Variants in SLC16A12 observed in about 807,000 individuals in gnomAD.
The protein encoded by SLC16A12 is monocarboxylate transporter 12.
Under a neutral mutation model 42.4 loss-of-function variants are expected in SLC16A12, and 17 were observed. That is an observed-to-expected ratio of 0.40 (90% CI 0.27 to 0.60). SLC16A12 has a LOEUF of 0.60. Ranked by LOEUF, SLC16A12 falls within the 20% of genes least tolerant of loss-of-function variation. SLC16A12 has a pLI of 0.42. For missense variants in SLC16A12, 544 were observed against 623.0 expected, an observed-to-expected ratio of 0.87 and a Z score of 1.35; for synonymous variants, 224 against 229.4, an observed-to-expected ratio of 0.98 and a Z score of 0.21.
At chr10:89,509,469 A>G (rs1412693237) in intron 2 of SLC16A12, among the ~76,000 whole-genome samples, 1 of 152,238 alleles carries the variant, frequency 6.6e-6, no homozygotes. Context: ...AATCCATCAC[A>G]TAAACAGAAC....
intron 2 of SLC16A12, among the ~76,000 whole-genome samples, chr10:89,527,545 C>G (rs1843474200): frequency 6.6e-6 from 1 of 151,562 alleles, no homozygotes; most frequent in Admixed American, 6.6e-5. Context: ...TCTATAATCT[C>G]AGCACTTTGG....
chr10:89,555,709 A>G (rs1460717586), intron 2 of SLC16A12, among the ~76,000 whole-genome samples: 1 of 146,624 alleles, frequency 6.8e-6, no homozygotes, highest in Non-Finnish European at 1.5e-5. Context: ...ATATATATAT[A>G]TATATATATA....
At chr10:89,532,708 C>T (rs1799400570) in intron 2 of SLC16A12, among the ~76,000 whole-genome samples, 1 of 152,098 alleles carries the variant, frequency 6.6e-6, no homozygotes, top group African/African-American at 2.4e-5. Flanking sequence ...TTTCGATAAG[C>T]CTTTGTTAAA....
chr10:89,530,575 G>A (rs530418541), intron 2 of SLC16A12, among the ~76,000 whole-genome samples: 30 of 151,918 alleles, frequency 2.0e-4, no homozygotes, highest in African/African-American at 5.8e-4. Context: ...CTACCACCAC[G>A]CCCGGCTAAT....
intron 4 of SLC16A12, among the ~76,000 whole-genome samples, chr10:89,441,817 CT>C (rs1457790227): frequency 6.6e-6 from 1 of 152,206 alleles, no homozygotes; most frequent in Non-Finnish European, 1.5e-5. Flanking sequence ...TGGTGACATT[CT>C]GGTTGGTCTC....
At chr10:89,505,780 G>T (rs1843051081) in intron 2 of SLC16A12, among the ~76,000 whole-genome samples, 1 of 152,198 alleles carries the variant, frequency 6.6e-6, no homozygotes, top group Non-Finnish European at 1.5e-5. Context: ...TCCCTCTGGT[G>T]CCTGGCTCAG....
chr10:89,448,972 CA>C (rs1842047409), intron 3 of SLC16A12, among the ~76,000 whole-genome samples: 1 of 152,122 alleles, frequency 6.6e-6, no homozygotes, highest in African/African-American at 2.4e-5. Context: ...AACAGACAAA[CA>C]GAGAGCCAAA....
intron 2 of SLC16A12, chr10:89,467,973 T>G (rs930344093): frequency 1.3e-5 from 2 of 152,232 alleles, no homozygotes; most frequent in African/African-American, 4.8e-5. Flanking sequence ...TAAGCATGAT[T>G]AATTTTTACT....
upstream of SLC16A12, among the ~76,000 whole-genome samples, chr10:89,539,948 CTCTT>C (rs1248786109): frequency 4.7e-5 from 6 of 128,542 alleles, no homozygotes; most frequent in Non-Finnish European, 8.4e-5. Flanking sequence ...TTCCTTCTTT[CTCTT>C]TCTTTCTTCT....
Position 89,430,732 on chromosome 10 carries a change from C to A in SLC16A12, c.*2332G>T, listed in dbSNP as rs1372631272. The A allele has an allele frequency of 3.2e-5, 15 of 462,182 alleles. No individual in the cohort carries two copies. The East Asian group carries it at 9.8e-4, about 30-fold the overall frequency. The allele number at this position is 462,182 out of a possible 1,614,324, so 28.6% of individuals were successfully genotyped here. A position where few individuals can be genotyped will look rare whatever the true frequency, so the allele number is the denominator to read the frequency against. On this transcript the variant is annotated 3_prime_UTR_variant, in exon 8 of 8. Coordinates refer to ENST00000371790, the MANE Select transcript of SLC16A12 (RefSeq NM_213606.4). ...TATGCATGTATAAAGTCAAATCTCC[C>A]AAATGTTTTTATACAAAATCTTTAA...
chr10:89,526,187 A>C (rs1279119025), intron 2 of SLC16A12, among the ~76,000 whole-genome samples: 1 of 151,932 alleles, frequency 6.6e-6, no homozygotes, highest in Non-Finnish European at 1.5e-5. Flanking sequence ...AGTTATGTAC[A>C]ACTGTACATG....
Position 89,443,745 on chromosome 10 carries a change from G to A in SLC16A12, c.304+11C>T, listed in dbSNP as rs370641663. 5 of 1,586,668 alleles carry A rather than the reference G, an allele frequency of 3.2e-6. No homozygotes were observed. The African/African-American group carries it at 6.7e-5, about 21-fold the overall frequency. On this transcript the variant is annotated intron_variant, in intron 4 of 7. Transcript: ENST00000371790. ...GGCCAGTAATTCCCTATCCTAGTAA[G>A]TAATACTCACCACAGAGCATGGTCA... is the stretch of plus-strand genomic sequence containing the variant.
chr10:89,459,522 G>T (rs1268320810), intron 3 of SLC16A12, among the ~76,000 whole-genome samples: 2 of 151,546 alleles, frequency 1.3e-5, no homozygotes, highest in African/African-American at 2.4e-5. Context: ...GTTTATGTGT[G>T]TGTGTGTGTG....
chr10:89,449,615 G>T (rs866167005), intron 3 of SLC16A12, among the ~76,000 whole-genome samples: 2 of 152,208 alleles, frequency 1.3e-5, no homozygotes, highest in African/African-American at 4.8e-5. Context: ...ATTCAAGATA[G>T]ATTCAAGACT....
At chr10:89,532,399 C>G (rs1226379777) in intron 2 of SLC16A12, among the ~76,000 whole-genome samples, 1 of 152,176 alleles carries the variant, frequency 6.6e-6, no homozygotes. Context: ...TAGATAATGA[C>G]ACTTTCTGAT....
At chr10:89,539,227 C>A (rs994585600), upstream of SLC16A12, among the ~76,000 whole-genome samples, 41 of 152,280 alleles carry the variant, frequency 2.7e-4, no homozygotes, top group Middle Eastern at 3.4e-3. Context: ...AGGGACATGG[C>A]ATTAATGGTA....
intron 2 of SLC16A12, among the ~76,000 whole-genome samples, chr10:89,490,302 T>C (rs377722488): frequency 6.6e-6 from 1 of 152,162 alleles, no homozygotes; most frequent in Non-Finnish European, 1.5e-5. Context: ...AATCCTCCAA[T>C]ACCAACTCCA....
At chr10:89,538,478 C>G (rs1227232430), upstream of SLC16A12, among the ~76,000 whole-genome samples, 1 of 152,174 alleles carries the variant, frequency 6.6e-6, no homozygotes, top group Non-Finnish European at 1.5e-5. Flanking sequence ...TGGCTAATGT[C>G]TACCATACTG....
chr10:89,478,678 G>A (rs536300881), intron 2 of SLC16A12, among the ~76,000 whole-genome samples: 28 of 152,220 alleles, frequency 1.8e-4, no homozygotes, highest in African/African-American at 6.0e-4. Context: ...TTATTTAAAT[G>A]GACAACTATA....
Sources: allele counts gnomAD v4.1 joint callset (sites outside exome capture counted in the v4.1 genomes callset), GRCh38; gene constraint gnomAD v4.1.1; transcripts MANE v1.5; gene names NCBI Gene and HGNC (gene_info 2026-07-23, HGNC 2026-07-21).